CEP112: variants seen among roughly 807,000 people sequenced by gnomAD.
CEP112 encodes the protein centrosomal protein of 112 kDa.
Under a neutral mutation model 153.0 loss-of-function variants are expected in CEP112, and 127 were observed. That is an observed-to-expected ratio of 0.83 (90% CI 0.72 to 0.96). The LOEUF is 0.96. Among genes scored for constraint, CEP112 ranks in the 40% least tolerant of loss-of-function variants. The pLI is 0.00. For missense variants in CEP112, 1,089 were observed against 1,101.2 expected, an observed-to-expected ratio of 0.99 and a Z score of 0.16; for synonymous variants, 358 against 374.4, an observed-to-expected ratio of 0.96 and a Z score of 0.51.
intron 21 of CEP112, among the ~76,000 whole-genome samples, chr17:65,795,477 C>T (rs1160182767): frequency 6.6e-6 from 1 of 152,196 alleles, no homozygotes; most frequent in Non-Finnish European, 1.5e-5. Context: ...TAGACTACCC[C>T]TGGTTTCTTA....
intron 24 of CEP112, among the ~76,000 whole-genome samples, chr17:65,643,324 A>G (rs1335248743): frequency 6.6e-6 from 1 of 151,598 alleles, no homozygotes; most frequent in Admixed American, 6.6e-5. Context: ...TTGAGATGGC[A>G]TTTCAATCTG....
At chr17:66,168,421 G>GTATATATA (rs2072077275) in intron 4 of CEP112, among the ~76,000 whole-genome samples, 1 of 141,338 alleles carries the variant, frequency 7.1e-6, no homozygotes, top group African/African-American at 2.5e-5. Flanking sequence ...GTGTGTGTGT[G>GTATATATA]TGTATATATA....
At chr17:65,922,252 TC>T (rs1437121430) in intron 19 of CEP112, among the ~76,000 whole-genome samples, 1 of 152,138 alleles carries the variant, frequency 6.6e-6, no homozygotes, top group Non-Finnish European at 1.5e-5. Context: ...CTTTGCCAGG[TC>T]ACTTATTGGG....
At chr17:66,176,318 C>G (rs2072471372) in intron 3 of CEP112, among the ~76,000 whole-genome samples, 1 of 152,134 alleles carries the variant, frequency 6.6e-6, no homozygotes, top group African/African-American at 2.4e-5. Flanking sequence ...ATTTATCCAC[C>G]AAGCATAATA....
Position 65,637,166 on chromosome 17 carries a change from GCT to G in CEP112, c.2820_2821del (p.Arg940SerfsTer44), listed in dbSNP as rs867119166. On this transcript the variant is annotated frameshift_variant, in exon 26 of 27. Transcript: ENST00000535342. LOFTEE classifies it high-confidence loss of function. Reference sequence around the variant, plus strand: ...AGTCAGTTCTTCCTGAAGGATGGAAGCTCTCTTTTGCAGAAAATTAACCTAGA... The same window carrying G: ...AGTCAGTTCTTCCTGAAGGATGGAAGCTCTTTTGCAGAAAATTAACCTAGA... The G allele has an allele frequency of 6.2e-7, 1 of 1,613,990 alleles. No individual in the cohort carries two copies. The highest frequency in any genetic ancestry group is 1.3e-5 in the African/African-American group (1 of 75,048).
chr17:66,107,620 A>G (rs547522050), intron 6 of CEP112, among the ~76,000 whole-genome samples: 23 of 152,256 alleles, frequency 1.5e-4, no homozygotes, highest in African/African-American at 5.1e-4. Context: ...AAAAACTATA[A>G]AACACTAATG....
intron 21 of CEP112, among the ~76,000 whole-genome samples, chr17:65,809,410 T>C (rs576811963): frequency 1.1e-4 from 16 of 152,294 alleles, no homozygotes; most frequent in African/African-American, 3.6e-4. Context: ...AAATGAACTG[T>C]TGGAGGAAGT....
At chr17:66,119,778 T>A (rs1007575304) in intron 6 of CEP112, among the ~76,000 whole-genome samples, 2 of 152,182 alleles carry the variant, frequency 1.3e-5, no homozygotes, top group African/African-American at 4.8e-5. Flanking sequence ...GATTGGTGGG[T>A]CATGTGATAA....
At chr17:66,029,776 G>A (rs186918420) in intron 13 of CEP112, 93 bp downstream of exon 13, 31 of 1,045,008 alleles carry the variant, frequency 3.0e-5, no homozygotes, top group Admixed American at 2.2e-4. Context: ...AAGGCTAAAC[G>A]CACAAGGTGT....
At chr17:65,942,298 C>A (rs549538315) in intron 18 of CEP112, among the ~76,000 whole-genome samples, 1 of 152,226 alleles carries the variant, frequency 6.6e-6, no homozygotes, top group Admixed American at 6.5e-5. Context: ...CAGTTTCATC[C>A]CCAAACCATC....
chr17:66,041,258 G>A (rs1417061415), intron 12 of CEP112, among the ~76,000 whole-genome samples: 2 of 151,846 alleles, frequency 1.3e-5, no homozygotes, highest in Non-Finnish European at 2.9e-5. Flanking sequence ...AATAAGTATT[G>A]TAGGAAATTA....
intron 2 of CEP112, among the ~76,000 whole-genome samples, chr17:66,178,811 T>A (rs2072596903): frequency 6.6e-6 from 1 of 152,270 alleles, no homozygotes; most frequent in Middle Eastern, 3.4e-3. Flanking sequence ...AGAATGCCTT[T>A]AAAAATGTTT....
intron 4 of CEP112, among the ~76,000 whole-genome samples, chr17:66,160,587 T>C (rs937539285): frequency 6.6e-6 from 1 of 152,108 alleles, no homozygotes; most frequent in Non-Finnish European, 1.5e-5. Context: ...AAACAAGCAA[T>C]GGGGAAAGGA....
intron 4 of CEP112, among the ~76,000 whole-genome samples, chr17:66,157,069 A>C (rs754541107): frequency 1.3e-5 from 2 of 152,212 alleles, no homozygotes; most frequent in Non-Finnish European, 2.9e-5. Context: ...CCCAAGACAC[A>C]TAATTGTCAG....
chr17:66,054,695 C>T (rs2066603441), intron 11 of CEP112, among the ~76,000 whole-genome samples: 1 of 152,306 alleles, frequency 6.6e-6, no homozygotes, highest in Non-Finnish European at 1.5e-5. Context: ...TCCAACCCCA[C>T]ACCTACCCAA....
chr17:65,773,994 G>A (rs1230571398), intron 21 of CEP112, among the ~76,000 whole-genome samples: 2 of 151,720 alleles, frequency 1.3e-5, no homozygotes, highest in Non-Finnish European at 2.9e-5. Flanking sequence ...GCCTGAGGCA[G>A]GAGAATCACT....
At chr17:65,839,207 A>AC in intron 21 of CEP112, among the ~76,000 whole-genome samples, 1 of 152,182 alleles carries the variant, frequency 6.6e-6, no homozygotes, top group East Asian at 1.9e-4. Context: ...ACACACACAC[A>AC]AAGAAAACTA....
chr17:65,730,785 G>A (rs1306733764), intron 23 of CEP112, among the ~76,000 whole-genome samples: 9 of 113,758 alleles, frequency 7.9e-5, no homozygotes, highest in African/African-American at 3.3e-4. Flanking sequence ...CCCCAACCAA[G>A]CCCTTCTGGT....
chr17:65,761,462 T>G (rs1231968245), intron 21 of CEP112, among the ~76,000 whole-genome samples: 7 of 152,054 alleles, frequency 4.6e-5, no homozygotes. Context: ...AATTTGCTCT[T>G]CTTTTTCTTG....
Sources: allele counts gnomAD v4.1 joint callset (sites outside exome capture counted in the v4.1 genomes callset), GRCh38; gene constraint gnomAD v4.1.1; transcripts MANE v1.5; gene names NCBI Gene and HGNC (gene_info 2026-07-23, HGNC 2026-07-21).